The following PRPF3 variants were observed in gnomAD, a reference collection of about 807,000 sequenced individuals.
The protein encoded by PRPF3 is U4/U6 small nuclear ribonucleoprotein Prp3.
In PRPF3, 3 loss-of-function variants were observed where a neutral mutation model predicts 89.2. The observed-to-expected ratio is 0.03, with a 90% CI of 0.02 to 0.09. The LOEUF is 0.09. PRPF3 is among the 10% of genes least tolerant of loss of function. The pLI, the probability that PRPF3 is intolerant of heterozygous loss-of-function variation, is 1.00. For synonymous variants in PRPF3, 270 were observed against 289.1 expected (o/e 0.93, Z 0.67); for missense variants, 463 against 828.8 (o/e 0.56, Z 5.42).
intron 12 of PRPF3, chr1:150,345,749 T>C (rs1658215303): frequency 4.5e-6 from 2 of 446,500 alleles, no homozygotes; most frequent in Non-Finnish European, 8.3e-6. Context: ...TTTTGGATGA[T>C]AGTAAATACC....
Position 150,332,566 on chromosome 1 carries a change from A to G in PRPF3, c.424-118A>G, listed in dbSNP as rs1656530441. 2.6e-5 allele frequency: 25 copies of G among 958,970 alleles called. 1 individual carries two copies. The highest frequency in any genetic ancestry group is 2.4e-4 in the South Asian group (18 of 74,772). 59.4% of individuals were successfully genotyped at this position (958,970 alleles called of 1,614,324 possible). A position where few individuals can be genotyped will look rare whatever the true frequency, so the allele number is the denominator to read the frequency against. On this transcript the variant is annotated intron_variant, in intron 4 of 15. Coordinates refer to ENST00000324862, the MANE Select transcript of PRPF3 (RefSeq NM_004698.4). ...CACTGTGGTGCAGGCAGAATGTGGT[A>G]TAGTCATTCAAAACATTTTAAGTGT...
intron 3 of PRPF3, 64 bp from the exon 4 acceptor site, chr1:150,328,256 G>A: frequency 6.3e-7 from 1 of 1,595,350 alleles, no homozygotes; most frequent in South Asian, 1.1e-5. Flanking sequence ...TAGGGGCTAG[G>A]ATAATTCTTC....
chr1:150,350,139 G>A (rs1257561892), intron 15 of PRPF3, among the ~76,000 whole-genome samples: 8 of 151,490 alleles, frequency 5.3e-5, no homozygotes, highest in Non-Finnish European at 7.4e-5. Context: ...CAGGTGATCC[G>A]CCTGCCTCGG....
chr1:150,344,370 C>T, intron 11 of PRPF3, 64 bp from the exon 12 acceptor site: 1 of 1,614,040 alleles, frequency 6.2e-7, no homozygotes, highest in Non-Finnish European at 8.5e-7. Context: ...TCTCTCTTTC[C>T]CTCAGCCCTG....
chr1:150,334,906 GATTT>G, intron 6 of PRPF3, 25 bp from the exon 7 acceptor site: 1 of 1,613,108 alleles, frequency 6.2e-7, no homozygotes, highest in Non-Finnish European at 8.5e-7. Context: ...TTCCATACAG[GATTT>G]ATTTCTTTGC....
Position 150,332,713 on chromosome 1 carries a change from A to G in PRPF3, c.453A>G (p.Arg151=). The G allele has an allele frequency of 6.2e-7, 1 of 1,614,190 alleles. No homozygotes were observed. The highest frequency in any genetic ancestry group is 8.5e-7 in the Non-Finnish European group (1 of 1,180,036). The change falls in exon 5 of 16, where the codon CGA becomes CGG. Residue 151 remains arginine (R), a synonymous_variant. Transcript: ENST00000324862. ...AACAGATGATGGAGGCAGCAACACG[A>G]CAAATCGAGGAGAGGAAAAAACAGC... ...QIKQMMEAAT[R]QIEERKKQLS...
intron 6 of PRPF3, 101 bp downstream of exon 6, chr1:150,333,300 C>T: frequency 7.6e-7 from 1 of 1,316,306 alleles, no homozygotes; most frequent in Non-Finnish European, 1.1e-6. Flanking sequence ...TGCCTCAGGC[C>T]TGTAATCGTA....
At chr1:150,339,335 C>T (rs1002380542) in intron 8 of PRPF3, among the ~76,000 whole-genome samples, 2 of 151,252 alleles carry the variant, frequency 1.3e-5, no homozygotes, top group African/African-American at 4.9e-5. Flanking sequence ...ATGATCATGA[C>T]CACTGCACTC....
chr1:150,331,403 T>G (rs1489268935), intron 4 of PRPF3, among the ~76,000 whole-genome samples: 1 of 151,974 alleles, frequency 6.6e-6, no homozygotes, highest in Non-Finnish European at 1.5e-5. Flanking sequence ...CTCCCCCTGT[T>G]GTCCAGGCTG....
chr1:150,337,062 G>T (rs1195144358), intron 7 of PRPF3, among the ~76,000 whole-genome samples: 1 of 89,656 alleles, frequency 1.1e-5, no homozygotes, highest in Admixed American at 1.2e-4. Flanking sequence ...TTTTTGAGAC[G>T]GAGTCTCGCT....
At chr1:150,347,265 TACACATACATACACACACAC>T (rs1560118217) in intron 14 of PRPF3, among the ~76,000 whole-genome samples, 1 of 149,298 alleles carries the variant, frequency 6.7e-6, no homozygotes, top group Non-Finnish European at 1.5e-5. Context: ...TATACACACA[TACACATACATACACACACAC>T]ACACATACAT....
At chr1:150,331,905 G>C (rs1203465867) in intron 4 of PRPF3, among the ~76,000 whole-genome samples, 2 of 151,892 alleles carry the variant, frequency 1.3e-5, no homozygotes, top group Non-Finnish European at 2.9e-5. Context: ...AGTAGTTCAA[G>C]TACTAATATC....
intron 14 of PRPF3, among the ~76,000 whole-genome samples, chr1:150,348,455 C>T (rs1287512798): frequency 9.9e-5 from 3 of 30,438 alleles, no homozygotes; most frequent in Admixed American, 3.6e-4. Flanking sequence ...TTGTTCTACA[C>T]GTGCATTTTT....
intron 7 of PRPF3, among the ~76,000 whole-genome samples, chr1:150,336,763 A>G (rs1657048070): frequency 6.6e-6 from 1 of 151,190 alleles, no homozygotes; most frequent in African/African-American, 2.4e-5. Flanking sequence ...CTCAAAAAAT[A>G]TATATATATA....
At chr1:150,347,106 G>A (rs1345922112) in intron 14 of PRPF3, among the ~76,000 whole-genome samples, 2 of 151,522 alleles carry the variant, frequency 1.3e-5, no homozygotes, top group Non-Finnish European at 2.9e-5. Flanking sequence ...AAAAGAAAAA[G>A]CAAATCTAGT....
rs950354475 is a variant in PRPF3 at position 150,339,557 on chromosome 1, C to A, written c.1203-841C>A. 6.6e-5 allele frequency among the ~76,000 whole-genome samples: 10 copies of A among 151,800 alleles called. No homozygotes were observed. In the East Asian group the frequency reaches 1.9e-3, roughly 30 times the overall value. On this transcript the variant is annotated intron_variant, in intron 8 of 15. Transcript: ENST00000324862. ...GTTCAAGTGATTCTCCTGCCTCAGCCTCCCAAGTAGCTGAGATTATAGGCA... is the reference window on the plus strand; with the variant it reads ...GTTCAAGTGATTCTCCTGCCTCAGCATCCCAAGTAGCTGAGATTATAGGCA...
chr1:150,327,844 A>G (rs587613505), intron 3 of PRPF3: 169 of 171,136 alleles, frequency 9.9e-4, no homozygotes, highest in African/African-American at 1.9e-3. Flanking sequence ...GGAAAACTAT[A>G]CTAACATTGA....
intron 1 of PRPF3, 95 bp from the exon 2 acceptor site, chr1:150,324,800 G>C (rs1655520425): frequency 1.0e-6 from 1 of 968,414 alleles, no homozygotes. Flanking sequence ...ATCCACCTTG[G>C]CCTCCCAAAG....
At chr1:150,328,226 G>A (rs959883316) in intron 3 of PRPF3, 94 bp from the exon 4 acceptor site, 1 of 1,492,616 alleles carries the variant, frequency 6.7e-7, no homozygotes, top group Admixed American at 1.7e-5. Context: ...ATTCCCCTGG[G>A]AATAGCCAGA....
Sources: allele counts gnomAD v4.1 joint callset (sites outside exome capture counted in the v4.1 genomes callset), GRCh38; gene constraint gnomAD v4.1.1; transcripts MANE v1.5; gene names NCBI Gene and HGNC (gene_info 2026-07-23, HGNC 2026-07-21).